The following ZBTB40 variants were observed in gnomAD, a reference collection of about 807,000 sequenced individuals.
ZBTB40 encodes the protein zinc finger and BTB domain-containing protein 40.
In ZBTB40, 60 loss-of-function variants were observed where a neutral mutation model predicts 117.5. That is an observed-to-expected ratio of 0.51 (90% CI 0.41 to 0.63). The LOEUF (loss-of-function observed/expected upper bound fraction) is 0.63. ZBTB40 is among the 30% of genes least tolerant of loss of function. The pLI, the probability that ZBTB40 is intolerant of heterozygous loss-of-function variation, is 0.00. For synonymous variants in ZBTB40, 525 were observed against 577.1 expected (o/e 0.91, Z 1.29); for missense variants, 1,287 against 1,498.5 (o/e 0.86, Z 2.33).
intron 1 of ZBTB40, among the ~76,000 whole-genome samples, chr1:22,470,181 A>G (rs1215653900): frequency 7.2e-5 from 11 of 152,232 alleles, no homozygotes; most frequent in African/African-American, 2.7e-4. Context: ...TGAGCAGGTC[A>G]CTTGATTTCT....
intron 13 of ZBTB40, among the ~76,000 whole-genome samples, chr1:22,518,445 T>G (rs1390581501): frequency 6.6e-6 from 1 of 152,232 alleles, no homozygotes; most frequent in Non-Finnish European, 1.5e-5. Flanking sequence ...TGCCAGATAC[T>G]GTTATTATTG....
At chr1:22,520,365 G>A (rs1205679511) in intron 14 of ZBTB40, 90 bp downstream of exon 14, 4 of 1,024,000 alleles carry the variant, frequency 3.9e-6, no homozygotes, top group Non-Finnish European at 5.9e-6. Context: ...GTGGCTTGCA[G>A]ATCATATCTT....
intron 3 of ZBTB40, among the ~76,000 whole-genome samples, chr1:22,497,416 C>T (rs1638808626): frequency 1.3e-5 from 2 of 152,142 alleles, no homozygotes; most frequent in South Asian, 4.1e-4. Flanking sequence ...GGTTGGGTAG[C>T]CCTCTTGAGA....
upstream of ZBTB40, among the ~76,000 whole-genome samples, chr1:22,447,987 A>C (rs1640809292): frequency 6.6e-6 from 1 of 152,246 alleles, no homozygotes; most frequent in Non-Finnish European, 1.5e-5. Context: ...CACTTCCACA[A>C]ATAACACCAC....
intron 1 of ZBTB40, among the ~76,000 whole-genome samples, chr1:22,452,285 C>A (rs1323649344): frequency 6.6e-6 from 1 of 152,202 alleles, no homozygotes; most frequent in African/African-American, 2.4e-5. Context: ...TCGCTGTCGC[C>A]CCGCACCTCC....
intron 1 of ZBTB40, among the ~76,000 whole-genome samples, chr1:22,438,280 T>C (rs763319251): frequency 6.6e-6 from 1 of 152,230 alleles, no homozygotes; most frequent in Non-Finnish European, 1.5e-5. Context: ...TCATATTTGT[T>C]TCTTTGTGAT....
At chr1:22,495,431 C>T (rs1365014086) in intron 3 of ZBTB40, among the ~76,000 whole-genome samples, 1 of 152,312 alleles carries the variant, frequency 6.6e-6, no homozygotes, top group East Asian at 1.9e-4. Flanking sequence ...TGACCTCTGG[C>T]TAAGCTGAGT....
chr1:22,429,334 T>G (rs903023740), intron 1 of ZBTB40, among the ~76,000 whole-genome samples: 2 of 151,658 alleles, frequency 1.3e-5, no homozygotes, highest in African/African-American at 4.8e-5. Flanking sequence ...TGAGCCGACA[T>G]AGCGCCGTTG....
At chr1:22,475,347 C>A (rs1041662556) in intron 1 of ZBTB40, among the ~76,000 whole-genome samples, 1 of 152,206 alleles carries the variant, frequency 6.6e-6, no homozygotes, top group Non-Finnish European at 1.5e-5. Context: ...GACTCATGCT[C>A]CATACTTCCT....
intron 1 of ZBTB40, among the ~76,000 whole-genome samples, chr1:22,439,288 C>T (rs527336368): frequency 1.4e-4 from 21 of 152,282 alleles, no homozygotes; most frequent in Non-Finnish European, 2.6e-4. Flanking sequence ...TCTTTCATTC[C>T]ATGGGTTTCC....
chr1:22,454,740 G>T (rs915389240), intron 1 of ZBTB40, among the ~76,000 whole-genome samples: 10 of 152,258 alleles, frequency 6.6e-5, no homozygotes, highest in African/African-American at 2.2e-4. Flanking sequence ...GCAAGTTACA[G>T]ATTAGTTATC....
At position 22,526,473 on chromosome 1, in the gene ZBTB40, C is replaced by G; in HGVS notation, c.*77C>G. ...CCACAGCTTGCCCTTTGCCCTCCATCCCTGGCTGTCCTGAGTGGTGAGCAT... is the reference window on the plus strand; with the variant it reads ...CCACAGCTTGCCCTTTGCCCTCCATGCCTGGCTGTCCTGAGTGGTGAGCAT... On this transcript the variant is annotated 3_prime_UTR_variant, in exon 18 of 18. Coordinates refer to ENST00000375647, the MANE Select transcript of ZBTB40 (RefSeq NM_014870.4). 6.3e-7 allele frequency: 1 copy of G among 1,579,130 alleles called. No homozygotes were observed. Among genetic ancestry groups the G allele is most frequent in the Non-Finnish European group, 8.7e-7 (1 of 1,154,824 alleles).
At chr1:22,437,195 A>G (rs1640680517) in intron 1 of ZBTB40, among the ~76,000 whole-genome samples, 5 of 152,182 alleles carry the variant, frequency 3.3e-5, no homozygotes, top group Admixed American at 3.3e-4. Context: ...GAATTGGAGA[A>G]ACAGACAGGT....
chr1:22,523,863 T>G (rs1299003469), intron 16 of ZBTB40, among the ~76,000 whole-genome samples: 1 of 152,212 alleles, frequency 6.6e-6, no homozygotes, highest in Non-Finnish European at 1.5e-5. Flanking sequence ...TCAGAGATGT[T>G]AAAATGTATT....
At chr1:22,458,042 G>A (rs1449313731) in intron 1 of ZBTB40, among the ~76,000 whole-genome samples, 1 of 152,250 alleles carries the variant, frequency 6.6e-6, no homozygotes, top group Non-Finnish European at 1.5e-5. Flanking sequence ...TGGGAATGGT[G>A]CCATGATCTT....
intron 12 of ZBTB40, among the ~76,000 whole-genome samples, chr1:22,516,362 G>C (rs1255996797): frequency 6.6e-6 from 1 of 152,170 alleles, no homozygotes; most frequent in Non-Finnish European, 1.5e-5. Flanking sequence ...GGAGAGCAGA[G>C]CAGTGGGGAG....
chr1:22,505,955 C>G, intron 5 of ZBTB40, 94 bp from the exon 6 acceptor site: 1 of 1,331,796 alleles, frequency 7.5e-7, no homozygotes, highest in East Asian at 2.3e-5. Flanking sequence ...GATCAGGCAT[C>G]TTGTGATGCT....
chr1:22,437,877 C>T (rs1640689964), intron 1 of ZBTB40, among the ~76,000 whole-genome samples: 1 of 149,460 alleles, frequency 6.7e-6, no homozygotes, highest in Non-Finnish European at 1.5e-5. Flanking sequence ...TGTAATCCAG[C>T]ACTTTGGGAA....
intron 3 of ZBTB40, among the ~76,000 whole-genome samples, chr1:22,495,097 G>A (rs1638737273): frequency 6.6e-6 from 1 of 152,138 alleles, no homozygotes; most frequent in Admixed American, 6.5e-5. Flanking sequence ...GTCTACTCCT[G>A]GATGTGTCAT....
Sources: allele counts gnomAD v4.1 joint callset (sites outside exome capture counted in the v4.1 genomes callset), GRCh38; gene constraint gnomAD v4.1.1; transcripts MANE v1.5; gene names NCBI Gene and HGNC (gene_info 2026-07-23, HGNC 2026-07-21).